The following ENTREP2 variants were observed in gnomAD, a reference collection of about 807,000 sequenced individuals.
ENTREP2 encodes the protein protein ENTREP2.
chr15:29,577,311 G>C, the ENTREP2 span, among the ~76,000 whole-genome samples: 1 of 54,896 alleles, frequency 1.8e-5, no homozygotes, highest in African/African-American at 5.4e-5. Flanking sequence ...GGGACTCAAA[G>C]AGGTGTGTGT....
chr15:29,424,388 T>C, the ENTREP2 span, among the ~76,000 whole-genome samples: 1 of 152,166 alleles, frequency 6.6e-6, no homozygotes, highest in Non-Finnish European at 1.5e-5. Context: ...AGAGTGCTGA[T>C]TGGTGTGTTT....
At chr15:29,152,224 C>G in the ENTREP2 span, among the ~76,000 whole-genome samples, 1 of 152,158 alleles carries the variant, frequency 6.6e-6, no homozygotes, top group South Asian at 2.1e-4. Context: ...TATTCACATG[C>G]AATTGTAAGA....
chr15:29,423,283 G>C, the ENTREP2 span, among the ~76,000 whole-genome samples: 1 of 152,062 alleles, frequency 6.6e-6, no homozygotes, highest in East Asian at 1.9e-4. Flanking sequence ...AATTATAGTG[G>C]GAATTCAGAG....
chr15:29,159,933 C>G, the ENTREP2 span, among the ~76,000 whole-genome samples: 1 of 152,276 alleles, frequency 6.6e-6, no homozygotes, highest in Admixed American at 6.5e-5. Context: ...CACTCCTCAG[C>G]CCTTGGGTGG....
At chr15:29,151,642 C>T in the ENTREP2 span, 54 of 1,005,658 alleles carry the variant, frequency 5.4e-5, no homozygotes, top group Non-Finnish European at 7.7e-5. Context: ...TGTCAGGGGC[C>T]GCTGTCCTCA....
At chr15:29,471,434 A>G in the ENTREP2 span, among the ~76,000 whole-genome samples, 78,057 of 152,072 alleles carry the variant, frequency 0.51, 21,312 homozygotes, top group African/African-American at 0.72. Context: ...GTGGCTGAGA[A>G]TAGGCACAGG....
the ENTREP2 span, among the ~76,000 whole-genome samples, chr15:29,520,973 T>C: frequency 1.3e-5 from 2 of 152,196 alleles, no homozygotes; most frequent in Non-Finnish European, 1.5e-5. Flanking sequence ...AATATTATTA[T>C]GACATCAACT....
the ENTREP2 span, among the ~76,000 whole-genome samples, chr15:29,629,942 C>G: frequency 1.3e-5 from 2 of 151,976 alleles, no homozygotes; most frequent in Non-Finnish European, 2.9e-5. Flanking sequence ...CATGGTGAAA[C>G]CCCATCTCTA....
chr15:29,466,623 G>C, the ENTREP2 span, among the ~76,000 whole-genome samples: 1 of 142,656 alleles, frequency 7.0e-6, no homozygotes, highest in Non-Finnish European at 1.5e-5. Context: ...GGGCCCAGGG[G>C]AGGATGCTGC....
At chr15:29,554,240 G>T in the ENTREP2 span, among the ~76,000 whole-genome samples, 1 of 151,050 alleles carries the variant, frequency 6.6e-6, no homozygotes, top group South Asian at 2.1e-4. Context: ...CTTGAACCCA[G>T]GAGGCAGAAG....
the ENTREP2 span, among the ~76,000 whole-genome samples, chr15:29,589,933 A>G: frequency 6.6e-6 from 1 of 152,158 alleles, no homozygotes; most frequent in Non-Finnish European, 1.5e-5. Context: ...CAACTTGTGA[A>G]CTTTGAAATG....
chr15:29,471,726 G>A, the ENTREP2 span, among the ~76,000 whole-genome samples: 1 of 152,214 alleles, frequency 6.6e-6, no homozygotes. Context: ...TGGTGCAAAG[G>A]CCCTGGGTGT....
the ENTREP2 span, among the ~76,000 whole-genome samples, chr15:29,238,539 G>T: frequency 1.3e-5 from 2 of 152,104 alleles, no homozygotes; most frequent in Admixed American, 6.6e-5. Context: ...GGAGGCTGAG[G>T]CAGGAGAATC....
the ENTREP2 span, among the ~76,000 whole-genome samples, chr15:29,365,874 G>A: frequency 6.6e-6 from 1 of 151,950 alleles, no homozygotes; most frequent in Non-Finnish European, 1.5e-5. Flanking sequence ...AGACTCAGAA[G>A]CCAGGGCCCC....
the ENTREP2 span, among the ~76,000 whole-genome samples, chr15:29,131,432 G>A: frequency 0.025 from 3,804 of 151,436 alleles, 58 homozygotes; most frequent in Middle Eastern, 0.072. Context: ...CACCCAAGAC[G>A]CCAAACTCCT....
At chr15:29,573,751 G>A in the ENTREP2 span, among the ~76,000 whole-genome samples, 370 of 150,490 alleles carry the variant, frequency 2.5e-3, no homozygotes, top group Admixed American at 7.5e-3. Flanking sequence ...CTAAACAACC[G>A]AGTTTCAGCT....
chr15:29,456,346 G>A, the ENTREP2 span, among the ~76,000 whole-genome samples: 3 of 152,322 alleles, frequency 2.0e-5, no homozygotes, highest in Admixed American at 6.5e-5. Flanking sequence ...CTGACTGCAT[G>A]GAAGAGGAGG....
the ENTREP2 span, among the ~76,000 whole-genome samples, chr15:29,249,458 G>T: frequency 1.3e-5 from 2 of 152,150 alleles, no homozygotes; most frequent in African/African-American, 2.4e-5. Context: ...CACACATTAT[G>T]CACAGAAAAG....
chr15:29,392,089 A>G, the ENTREP2 span, among the ~76,000 whole-genome samples: 4 of 151,936 alleles, frequency 2.6e-5, no homozygotes, highest in South Asian at 8.3e-4. Context: ...CAGCCTCCCA[A>G]AGTGTTGGAA....
Sources: gnomAD v4.1 joint callset for allele counts (sites outside exome capture counted in the v4.1 genomes callset) on GRCh38, gnomAD v4.1.1 for gene constraint, MANE v1.5 for transcripts, NCBI Gene and HGNC (gene_info 2026-07-23, HGNC 2026-07-21) for gene names.